Variants in ALX4 observed in about 807,000 individuals in gnomAD.
ALX4 encodes ALX homeobox 4, also known as homeobox protein aristaless-like 4.
Under a neutral mutation model 40.6 loss-of-function variants are expected in ALX4, and 22 were observed. The observed-to-expected ratio is 0.54, with a 90% CI of 0.39 to 0.77. ALX4 has a LOEUF of 0.77. Ranked by LOEUF, ALX4 falls within the 30% of genes least tolerant of loss-of-function variation. The pLI is 0.00. For missense variants in ALX4, 556 were observed against 564.8 expected, an observed-to-expected ratio of 0.98 and a Z score of 0.16; for synonymous variants, 266 against 240.5, an observed-to-expected ratio of 1.11 and a Z score of -0.98.
intron 1 of ALX4, among the ~76,000 whole-genome samples, chr11:44,279,046 C>A (rs1457986344): frequency 1.3e-5 from 2 of 152,186 alleles, no homozygotes; most frequent in Admixed American, 6.5e-5. Flanking sequence ...CAAGCACAGC[C>A]CTCTCAGAGT....
At chr11:44,301,920 C>T (rs1275000922) in intron 1 of ALX4, among the ~76,000 whole-genome samples, 3 of 152,182 alleles carry the variant, frequency 2.0e-5, no homozygotes, top group Non-Finnish European at 2.9e-5. Context: ...CAGACGGCCT[C>T]GCCGCAGTGT....
chr11:44,283,522 T>TA (rs1174468627), intron 1 of ALX4, among the ~76,000 whole-genome samples: 1 of 152,228 alleles, frequency 6.6e-6, no homozygotes, highest in Non-Finnish European at 1.5e-5. Context: ...TAAAGGATGA[T>TA]ATTTCCATAA....
rs527551122 is a variant in ALX4 at position 44,267,144 on chromosome 11, G to A, written c.906+350C>T. On this transcript the variant is annotated intron_variant, in intron 3 of 3. Transcript: ENST00000652299. ...ACGAGTCCTGGAGATTTCAGAGCTCGCTTTCTGAAGAGACCCTCCGAGCGG... is the reference window on the plus strand; with the variant it reads ...ACGAGTCCTGGAGATTTCAGAGCTCACTTTCTGAAGAGACCCTCCGAGCGG... Among the ~76,000 whole-genome samples the A allele has an allele frequency of 2.3e-3, 350 of 152,260 alleles. 3 individuals are homozygous for A. The highest frequency in any genetic ancestry group is 2.6e-3 in the Non-Finnish European group (179 of 68,020).
chr11:44,308,937 AGGACTCG>A (rs1208782182), intron 1 of ALX4, among the ~76,000 whole-genome samples: 1 of 152,238 alleles, frequency 6.6e-6, no homozygotes, highest in Non-Finnish European at 1.5e-5. Context: ...TCAGGGTCCC[AGGACTCG>A]GGTCTTGCCA....
chr11:44,272,145 T>G (rs1358812204), intron 2 of ALX4, among the ~76,000 whole-genome samples: 1 of 152,174 alleles, frequency 6.6e-6, no homozygotes, highest in Admixed American at 6.5e-5. Flanking sequence ...GGCTTCTGGA[T>G]TCACAGGAAA....
chr11:44,299,505 C>T (rs531080361), intron 1 of ALX4, among the ~76,000 whole-genome samples: 11 of 152,026 alleles, frequency 7.2e-5, no homozygotes, highest in African/African-American at 1.4e-4. Context: ...GGACTACAGG[C>T]GCCCGCCACC....
At chr11:44,302,467 A>T (rs1956440170) in intron 1 of ALX4, among the ~76,000 whole-genome samples, 2 of 152,210 alleles carry the variant, frequency 1.3e-5, no homozygotes, top group Non-Finnish European at 2.9e-5. Context: ...CAGCCAGCGA[A>T]CATTTGTTAA....
chr11:44,302,561 G>T (rs954403843), intron 1 of ALX4, among the ~76,000 whole-genome samples: 5 of 152,220 alleles, frequency 3.3e-5, no homozygotes, highest in African/African-American at 1.2e-4. Context: ...CTAGGAGAAG[G>T]TCCGCCCAGG....
Position 44,264,702 on chromosome 11 carries a change from G to A in ALX4, c.*152C>T. On this transcript the variant is annotated 3_prime_UTR_variant, in exon 4 of 4. Transcript: ENST00000652299. The stretch of plus-strand genomic sequence containing the variant: ...CCCCTCCCTCCCAGCAGTCCACGGG[G>A]CCTCAGACTTGGGGCGGCTGAAAGT... The A allele has an allele frequency of 2.4e-6, 2 of 828,872 alleles. No homozygotes were observed. Among genetic ancestry groups the A allele is most frequent in the Non-Finnish European group, 3.7e-6 (2 of 538,632 alleles). 51.3% of individuals were successfully genotyped at this position (828,872 alleles called of 1,614,324 possible). A position where few individuals can be genotyped will look rare whatever the true frequency, so the allele number is the denominator to read the frequency against.
At chr11:44,308,285 T>G (rs1956481344) in intron 1 of ALX4, among the ~76,000 whole-genome samples, 2 of 152,346 alleles carry the variant, frequency 1.3e-5, no homozygotes, top group East Asian at 3.9e-4. Flanking sequence ...TCTGCGCCTG[T>G]GAAAGAAGGA....
intron 2 of ALX4, among the ~76,000 whole-genome samples, chr11:44,272,829 A>T (rs1956256520): frequency 1.3e-5 from 2 of 152,226 alleles, no homozygotes; most frequent in Middle Eastern, 3.4e-3. Context: ...AAAATAAAAA[A>T]AAAATGGCAG....
At chr11:44,267,348 TATAAACA>T in intron 3 of ALX4, 139 bp downstream of exon 3, 1 of 1,074,122 alleles carries the variant, frequency 9.3e-7, no homozygotes, top group Non-Finnish European at 1.3e-6. Flanking sequence ...CACACTCTGG[TATAAACA>T]GGCACACCCC....
At position 44,264,792 on chromosome 11, in the gene ALX4, G is replaced by T. The variant is rs1274753817; in HGVS notation, c.*62C>A. 3.2e-6 allele frequency: 5 copies of T among 1,573,974 alleles called. No individual in the cohort carries two copies. Among genetic ancestry groups the T allele is most frequent in the Admixed American group, 1.7e-5 (1 of 58,682 alleles). On this transcript the variant is annotated 3_prime_UTR_variant, in exon 4 of 4. Coordinates refer to ENST00000652299, the MANE Select transcript of ALX4 (RefSeq NM_021926.4). ...AGGAAAGTCGAGTGGGAGGCTGGGGGCCTGGAAAACATGGGCGTGGCCCAT... is the reference window on the plus strand; with the variant it reads ...AGGAAAGTCGAGTGGGAGGCTGGGGTCCTGGAAAACATGGGCGTGGCCCAT...
intron 3 of ALX4, among the ~76,000 whole-genome samples, chr11:44,266,704 T>A (rs1184557111): frequency 6.6e-6 from 1 of 151,798 alleles, no homozygotes; most frequent in African/African-American, 2.4e-5. Flanking sequence ...GCAGGCTGAG[T>A]GGGGGTCAGG....
intron 1 of ALX4, among the ~76,000 whole-genome samples, chr11:44,298,381 G>GGCAT (rs1956415902): frequency 6.6e-6 from 1 of 152,194 alleles, no homozygotes; most frequent in South Asian, 2.1e-4. Context: ...GAGGTCAGAT[G>GGCAT]GCATCCTGGC....
intron 1 of ALX4, among the ~76,000 whole-genome samples, chr11:44,279,176 A>G (rs1361343588): frequency 5.9e-5 from 9 of 152,160 alleles, no homozygotes; most frequent in Non-Finnish European, 1.2e-4. Flanking sequence ...CCAGGACAGC[A>G]GAACTACTCA....
chr11:44,301,946 A>C (rs1956437176), intron 1 of ALX4, among the ~76,000 whole-genome samples: 1 of 152,034 alleles, frequency 6.6e-6, no homozygotes, highest in African/African-American at 2.4e-5. Context: ...GGCTGGATGG[A>C]CCATGTTCGA....
At chr11:44,285,924 C>T (rs1435308531) in intron 1 of ALX4, among the ~76,000 whole-genome samples, 1 of 152,148 alleles carries the variant, frequency 6.6e-6, no homozygotes, top group African/African-American at 2.4e-5. Context: ...GCCTGGGCCT[C>T]GTGTGAGTAA....
intron 1 of ALX4, among the ~76,000 whole-genome samples, chr11:44,280,715 G>A (rs1011098695): frequency 1.3e-5 from 2 of 152,220 alleles, no homozygotes; most frequent in Non-Finnish European, 2.9e-5. Flanking sequence ...CCTGCTCCAC[G>A]GAGGGTGTTG....
Sources: gnomAD v4.1 joint callset for allele counts (sites outside exome capture counted in the v4.1 genomes callset) on GRCh38, gnomAD v4.1.1 for gene constraint, MANE v1.5 for transcripts, NCBI Gene and HGNC (gene_info 2026-07-23, HGNC 2026-07-21) for gene names.